Variants in EXOC2 observed in about 807,000 individuals in gnomAD.
The protein encoded by EXOC2 is exocyst complex component 2, also known as SEC5-like 1.
EXOC2 carries 70 observed loss-of-function variants against 131.8 expected under a neutral mutation model. The ratio of observed to expected loss-of-function variants is 0.53; its 90% confidence interval spans 0.44 to 0.65. The LOEUF (loss-of-function observed/expected upper bound fraction) is 0.65. Among genes scored for constraint, EXOC2 ranks in the 30% least tolerant of loss-of-function variants. The pLI is 0.00. For missense variants in EXOC2, 923 were observed against 1,108.6 expected, an observed-to-expected ratio of 0.83 and a Z score of 2.38; for synonymous variants, 411 against 398.4, an observed-to-expected ratio of 1.03 and a Z score of -0.38.
rs754357254 is a variant in EXOC2 at position 656,616 on chromosome 6, G to T, written c.-43-18755C>A. On this transcript the variant is annotated intron_variant, in intron 1 of 27. Transcript: ENST00000230449. ...CAGCTCCACCGCCACCGTGAGGGAG[G>T]GGCGGCGCTTGTGGGTCAGCTGCAG... is the stretch of plus-strand genomic sequence containing the variant. 3.1e-5 allele frequency: 50 copies of T among 1,602,028 alleles called. No homozygotes were observed. The highest frequency in any genetic ancestry group is 4.1e-5 in the Non-Finnish European group (48 of 1,174,722).
chr6:644,426 C>T (rs1484434082), intron 1 of EXOC2, among the ~76,000 whole-genome samples: 1 of 152,028 alleles, frequency 6.6e-6, no homozygotes, highest in Admixed American at 6.6e-5. Flanking sequence ...GAATGCTTTC[C>T]CCCCTTTCGA....
intron 1 of EXOC2, among the ~76,000 whole-genome samples, chr6:646,681 T>A (rs1225214450): frequency 6.6e-6 from 1 of 152,206 alleles, no homozygotes; most frequent in Non-Finnish European, 1.5e-5. Flanking sequence ...TGATATTACA[T>A]AAAGATACTA....
chr6:616,803 C>T (rs923108115), intron 6 of EXOC2, among the ~76,000 whole-genome samples: 2 of 151,020 alleles, frequency 1.3e-5, no homozygotes, highest in African/African-American at 4.9e-5. Flanking sequence ...AGTGCAGTGG[C>T]GCGATCTCGG....
intron 1 of EXOC2, among the ~76,000 whole-genome samples, chr6:655,496 T>C (rs1341841488): frequency 1.3e-5 from 2 of 152,258 alleles, no homozygotes; most frequent in African/African-American, 4.8e-5. Flanking sequence ...GAGACATGCC[T>C]ATATTTCCTT....
chr6:658,651 ATATATATATATATAT>A (rs1763258978), intron 1 of EXOC2, among the ~76,000 whole-genome samples: 19 of 75,816 alleles, frequency 2.5e-4, no homozygotes, highest in African/African-American at 6.8e-4. Flanking sequence ...TATTTTATAT[ATATATATATATATAT>A]TTTTTTTTTT....
chr6:591,787 T>C (rs368627409), intron 11 of EXOC2, among the ~76,000 whole-genome samples: 7 of 152,148 alleles, frequency 4.6e-5, no homozygotes, highest in East Asian at 1.9e-4. Flanking sequence ...CTCCAAATGA[T>C]AGTATACAAA....
intron 23 of EXOC2, among the ~76,000 whole-genome samples, chr6:527,980 T>G (rs1287366967): frequency 6.6e-6 from 1 of 152,232 alleles, no homozygotes; most frequent in East Asian, 1.9e-4. Flanking sequence ...AACAGTATTC[T>G]TATTTAAAAT....
intron 1 of EXOC2, among the ~76,000 whole-genome samples, chr6:650,325 A>T (rs1031421692): frequency 1.3e-5 from 2 of 152,242 alleles, no homozygotes; most frequent in Non-Finnish European, 2.9e-5. Flanking sequence ...ATTGGATGAG[A>T]TCAGCTCTAA....
intron 22 of EXOC2, among the ~76,000 whole-genome samples, chr6:538,029 G>C (rs1004287961): frequency 3.9e-5 from 6 of 152,126 alleles, no homozygotes; most frequent in Admixed American, 3.9e-4. Context: ...TAAGATTTGT[G>C]TCTTTTACTG....
chr6:692,833 G>C (rs1182693577), intron 1 of EXOC2, among the ~76,000 whole-genome samples, 186 bp downstream of exon 1: 2 of 150,256 alleles, frequency 1.3e-5, no homozygotes, highest in African/African-American at 4.8e-5. Context: ...TGACGGCGGG[G>C]ATGGGGGCTG....
chr6:692,514 C>A (rs1473478077), intron 1 of EXOC2, among the ~76,000 whole-genome samples: 4 of 152,238 alleles, frequency 2.6e-5, no homozygotes, highest in Non-Finnish European at 5.9e-5. Context: ...TACATACACC[C>A]GCGCGAGGAT....
At chr6:646,419 GAAGT>G (rs765352932) in intron 1 of EXOC2, among the ~76,000 whole-genome samples, 3 of 152,194 alleles carry the variant, frequency 2.0e-5, no homozygotes, top group African/African-American at 4.8e-5. Flanking sequence ...CAAAATGAAG[GAAGT>G]AAGTAAGGGG....
At chr6:683,493 A>G (rs915097437) in intron 1 of EXOC2, among the ~76,000 whole-genome samples, 2 of 152,244 alleles carry the variant, frequency 1.3e-5, no homozygotes, top group Admixed American at 6.5e-5. Flanking sequence ...AAATAAACCA[A>G]TATCACCGCT....
At chr6:676,078 A>ACT (rs777023625) in intron 1 of EXOC2, among the ~76,000 whole-genome samples, 5 of 82,016 alleles carry the variant, frequency 6.1e-5, no homozygotes, top group Non-Finnish European at 2.6e-5. Flanking sequence ...TCCTCTGGCG[A>ACT]CTGCGGTTCC....
At chr6:495,924 G>A (rs1164219125) in intron 25 of EXOC2, among the ~76,000 whole-genome samples, 2 of 151,954 alleles carry the variant, frequency 1.3e-5, no homozygotes, top group African/African-American at 4.8e-5. Flanking sequence ...TATTTCTGTT[G>A]TTCATACTGG....
chr6:551,160 T>C (rs953655100), intron 21 of EXOC2, among the ~76,000 whole-genome samples: 1 of 152,174 alleles, frequency 6.6e-6, no homozygotes. Context: ...CCATCAAATG[T>C]AGCACGTGCA....
intron 11 of EXOC2, among the ~76,000 whole-genome samples, chr6:588,931 G>A (rs2127620818): frequency 6.6e-6 from 1 of 152,250 alleles, no homozygotes. Context: ...CAGACCTTTG[G>A]TGATGGAATA....
intron 11 of EXOC2, among the ~76,000 whole-genome samples, chr6:592,268 A>G (rs969302615): frequency 1.3e-5 from 2 of 152,066 alleles, no homozygotes; most frequent in African/African-American, 4.8e-5. Context: ...ACCAATCGCA[A>G]AAACAGACAT....
Position 564,709 on chromosome 6 carries a change from A to C in EXOC2, c.1510-7T>G. 6.3e-7 allele frequency: 1 copy of C among 1,586,058 alleles called. No homozygotes were observed. The highest frequency in any genetic ancestry group is 8.6e-7 in the Non-Finnish European group (1 of 1,165,350). ...TTACTTCCTGAATCATTTTCTAGAA[A>C]ACCAGGAACAAGCATAACCGTGTTC... On this transcript the variant is annotated splice_polypyrimidine_tract_variant and splice_region_variant and intron_variant, in intron 14 of 27. Coordinates refer to ENST00000230449, the MANE Select transcript of EXOC2 (RefSeq NM_018303.6).
Sources: allele counts gnomAD v4.1 joint callset (sites outside exome capture counted in the v4.1 genomes callset), GRCh38; gene constraint gnomAD v4.1.1; transcripts MANE v1.5; gene names NCBI Gene and HGNC (gene_info 2026-07-23, HGNC 2026-07-21).